PRELID2: variants seen among roughly 807,000 people sequenced by gnomAD.
The protein encoded by PRELID2 is PRELI domain-containing protein 2.
A neutral mutation model predicts 28.4 loss-of-function variants in PRELID2; 25 were observed. That is an observed-to-expected ratio of 0.88 (90% CI 0.64 to 1.23). The LOEUF (loss-of-function observed/expected upper bound fraction) is 1.23. PRELID2 is among the 50% of genes most tolerant of loss of function. PRELID2 has a pLI of 0.00. For synonymous variants in PRELID2, 76 were observed against 71.6 expected (o/e 1.06, Z -0.31); for missense variants, 201 against 214.4 (o/e 0.94, Z 0.39).
chr5:145,472,035 A>G (rs1752059280), exon 3 of PRELID2: 1 of 152,134 alleles, frequency 6.6e-6, no homozygotes, highest in Non-Finnish European at 1.5e-5. Flanking sequence ...GAAAGAGCCC[A>G]TCTGATTGGC....
chr5:145,372,858 T>C, the PRELID2 span, among the ~76,000 whole-genome samples: 5 of 135,508 alleles, frequency 3.7e-5, no homozygotes, highest in African/African-American at 1.4e-4. Context: ...TATATATTAT[T>C]ATTATATTAA....
the PRELID2 span, among the ~76,000 whole-genome samples, chr5:145,274,268 C>T: frequency 6.6e-6 from 1 of 152,062 alleles, no homozygotes; most frequent in Non-Finnish European, 1.5e-5. Flanking sequence ...TTTTTCATAG[C>T]TCTGTTTCTA....
intron 5 of PRELID2, among the ~76,000 whole-genome samples, chr5:145,768,400 C>T (rs1019087409): frequency 7.9e-5 from 12 of 152,070 alleles, no homozygotes; most frequent in Admixed American, 5.9e-4. Context: ...GCACCTACTA[C>T]GTGCACTGGG....
At chr5:145,440,648 A>C in the PRELID2 span, among the ~76,000 whole-genome samples, 2 of 152,064 alleles carry the variant, frequency 1.3e-5, no homozygotes, top group African/African-American at 2.4e-5. Context: ...AATTAGAGTA[A>C]ATTAATTCCT....
intron 1 of PRELID2, among the ~76,000 whole-genome samples, chr5:145,599,637 T>G (rs995158438): frequency 2.6e-5 from 4 of 151,876 alleles, no homozygotes; most frequent in African/African-American, 9.7e-5. Context: ...TGTGTTAGAT[T>G]GCTCCTTAAT....
chr5:145,724,648 A>ATATATAC, intron 1 of PRELID2, among the ~76,000 whole-genome samples: 1 of 60,524 alleles, frequency 1.7e-5, no homozygotes. Context: ...TATATATATA[A>ATATATAC]TGCCTGTAAC....
chr5:145,334,447 T>C, the PRELID2 span, among the ~76,000 whole-genome samples: 1 of 152,210 alleles, frequency 6.6e-6, no homozygotes, highest in Non-Finnish European at 1.5e-5. Context: ...CTATAGTCTT[T>C]TAAAAATACT....
intron 1 of PRELID2, among the ~76,000 whole-genome samples, chr5:145,610,153 G>A (rs1268982369): frequency 6.6e-6 from 1 of 152,180 alleles, no homozygotes; most frequent in Non-Finnish European, 1.5e-5. Flanking sequence ...ATGGGTCTCT[G>A]TGGAGGGTGT....
chr5:145,570,142 T>A (rs1409831327), intron 1 of PRELID2, among the ~76,000 whole-genome samples: 1 of 152,138 alleles, frequency 6.6e-6, no homozygotes, highest in African/African-American at 2.4e-5. Context: ...TTTTCTCTTT[T>A]TATAAGTATA....
intron 1 of PRELID2, among the ~76,000 whole-genome samples, chr5:145,726,517 G>T (rs990894895): frequency 6.6e-6 from 1 of 152,140 alleles, no homozygotes; most frequent in Non-Finnish European, 1.5e-5. Flanking sequence ...TGGATGAATA[G>T]ATGGATAAGT....
intron 1 of PRELID2, among the ~76,000 whole-genome samples, chr5:145,595,710 A>C (rs1753295865): frequency 6.6e-6 from 1 of 152,196 alleles, no homozygotes; most frequent in African/African-American, 2.4e-5. Context: ...AGACTCTCAA[A>C]GTCTGTGCCC....
chr5:145,398,020 AATG>A, the PRELID2 span, among the ~76,000 whole-genome samples: 1 of 152,168 alleles, frequency 6.6e-6, no homozygotes, highest in Admixed American at 6.5e-5. Flanking sequence ...TAGAGTTTGA[AATG>A]AACTTTGCAT....
At chr5:145,401,106 C>T in the PRELID2 span, among the ~76,000 whole-genome samples, 1 of 152,082 alleles carries the variant, frequency 6.6e-6, no homozygotes, top group Non-Finnish European at 1.5e-5. Context: ...GCCGTTGTCA[C>T]GTGCTTGAAG....
intron 1 of PRELID2, among the ~76,000 whole-genome samples, chr5:145,716,249 T>G (rs969446994): frequency 6.6e-6 from 1 of 152,218 alleles, no homozygotes; most frequent in African/African-American, 2.4e-5. Flanking sequence ...ACTAGAATAG[T>G]GCCCAGCACA....
intron 1 of PRELID2, among the ~76,000 whole-genome samples, chr5:145,592,709 C>G (rs1341847704): frequency 2.6e-5 from 4 of 152,086 alleles, no homozygotes; most frequent in African/African-American, 4.8e-5. Context: ...TCAAGCTAGA[C>G]TTAATTACTT....
the PRELID2 span, among the ~76,000 whole-genome samples, chr5:145,357,887 A>G: frequency 1.3e-5 from 2 of 150,438 alleles, no homozygotes; most frequent in Non-Finnish European, 1.5e-5. Context: ...CATTCCTTCA[A>G]TCTGTGAAGT....
chr5:145,272,085 T>TA, the PRELID2 span, among the ~76,000 whole-genome samples: 1 of 61,668 alleles, frequency 1.6e-5, no homozygotes, highest in African/African-American at 1.2e-4. Flanking sequence ...TGGCAACATA[T>TA]TTTTTTTTTA....
At chr5:145,325,605 T>C in the PRELID2 span, among the ~76,000 whole-genome samples, 1 of 152,194 alleles carries the variant, frequency 6.6e-6, no homozygotes, top group Non-Finnish European at 1.5e-5. Flanking sequence ...CCATGTTTTC[T>C]AATAAGAAAG....
chr5:145,250,039 ATTTTC>A, the PRELID2 span, among the ~76,000 whole-genome samples: 9 of 151,718 alleles, frequency 5.9e-5, no homozygotes, highest in Non-Finnish European at 1.3e-4. Context: ...CAAAACCTAA[ATTTTC>A]TTTTCTTTAT....
Sources: allele counts gnomAD v4.1 joint callset (sites outside exome capture counted in the v4.1 genomes callset), GRCh38; gene constraint gnomAD v4.1.1; transcripts MANE v1.5; gene names NCBI Gene and HGNC (gene_info 2026-07-23, HGNC 2026-07-21).